YTHDC1: variants seen among roughly 807,000 people sequenced by gnomAD.
YTHDC1 encodes YTH domain-containing protein 1.
Under a neutral mutation model 107.0 loss-of-function variants are expected in YTHDC1, and 12 were observed. The observed-to-expected ratio is 0.11, with a 90% CI of 0.07 to 0.18. The LOEUF is 0.18. YTHDC1 is among the 10% of genes least tolerant of loss of function. The probability of loss-of-function intolerance (pLI) is 1.00; values close to 1 mark genes in which losing one functional copy is unlikely to be tolerated. For synonymous variants in YTHDC1, 280 were observed against 289.5 expected, an observed-to-expected ratio of 0.97 and a Z score of 0.33; for missense variants, 635 against 898.8, an observed-to-expected ratio of 0.71 and a Z score of 3.75.
intron 15 of YTHDC1, 57 bp downstream of exon 15, chr4:68,318,462 G>A: frequency 6.7e-7 from 1 of 1,483,918 alleles, no homozygotes; most frequent in Non-Finnish European, 9.2e-7. Context: ...GTAAGCACCT[G>A]AAATACTAGA....
chr4:68,325,944 T>G (rs1042246323), intron 9 of YTHDC1, among the ~76,000 whole-genome samples: 1 of 152,060 alleles, frequency 6.6e-6, no homozygotes, highest in East Asian at 1.9e-4. Flanking sequence ...TTTTCCCCCT[T>G]TTCAGGCTCT....
At chr4:68,332,973 C>A (rs1402116404) in intron 5 of YTHDC1, 126 bp from the exon 6 acceptor site, 12 of 768,120 alleles carry the variant, frequency 1.6e-5, no homozygotes, top group Admixed American at 8.8e-5. Context: ...CCCACACACA[C>A]AAAAAAAACT....
intron 1 of YTHDC1, among the ~76,000 whole-genome samples, chr4:68,345,512 CCA>C (rs1725310626): frequency 6.6e-6 from 1 of 152,052 alleles, no homozygotes; most frequent in Non-Finnish European, 1.5e-5. Flanking sequence ...TACATTTAGA[CCA>C]GTTTCTCAGT....
chr4:68,332,190 G>A lies in YTHDC1; in HGVS notation c.1035C>T (p.Thr345=). 6.3e-7 allele frequency: 1 copy of A among 1,595,356 alleles called. No homozygotes were observed. The highest frequency in any genetic ancestry group is 2.3e-5 in the East Asian group (1 of 44,244). ...CTTGAAGCACATATTTGAGTTTACT[G>A]GTTTGATCTGAAAAAAAAAGAAACC... ...SSVRAVRKDQ[T]SKLKYVLQDA... Residue 345 remains threonine (T), a synonymous_variant, in exon 7 of 17, where the codon ACC becomes ACT. Transcript: ENST00000344157.
At chr4:68,341,953 T>C (rs887258888) in intron 1 of YTHDC1, among the ~76,000 whole-genome samples, 1 of 152,256 alleles carries the variant, frequency 6.6e-6, no homozygotes, top group Middle Eastern at 3.4e-3. Flanking sequence ...TCTCCTTCCT[T>C]ATAACTATTG....
rs1725900128 is a variant in YTHDC1 at position 68,349,799 on chromosome 4, A to T, written c.-46T>A. 6.2e-7 allele frequency: 1 copy of T among 1,611,212 alleles called. No individual in the cohort carries two copies. Among genetic ancestry groups the T allele is most frequent in the Non-Finnish European group, 8.5e-7 (1 of 1,178,892 alleles). On this transcript the variant is annotated 5_prime_UTR_variant, in exon 1 of 17. Transcript: ENST00000344157. ...CGCTGCCACCGCCGCCGCCGCTTAG[A>T]CGCGACTCGCGCGGGCGCCGCAGCC...
At chr4:68,332,734 A>G (rs1723732306) in intron 6 of YTHDC1, 60 bp downstream of exon 6, 3 of 1,495,000 alleles carry the variant, frequency 2.0e-6, no homozygotes, top group African/African-American at 2.8e-5. Flanking sequence ...TGGAGAACCA[A>G]TAAGGAAAAA....
intron 7 of YTHDC1, 89 bp from the exon 8 acceptor site, chr4:68,330,399 G>A: frequency 2.4e-6 from 2 of 843,060 alleles, no homozygotes; most frequent in Non-Finnish European, 3.4e-6. Flanking sequence ...TACATATTTT[G>A]GTGTGCTTTC....
intron 1 of YTHDC1, among the ~76,000 whole-genome samples, chr4:68,346,982 G>GT (rs1725517709): frequency 6.6e-6 from 1 of 152,140 alleles, no homozygotes; most frequent in South Asian, 2.1e-4. Flanking sequence ...GAGAACTGTT[G>GT]TATAACTTAA....
chr4:68,316,084 G>A lies in YTHDC1; in HGVS notation c.1959+230C>T, dbSNP rs563633561. On this transcript the variant is annotated intron_variant, in intron 16 of 16. Coordinates refer to ENST00000344157, the MANE Select transcript of YTHDC1 (RefSeq NM_001031732.4). The stretch of plus-strand genomic sequence containing the variant: ...CCTAAAAGGAGTTCTATTTGTAGGC[G>A]TTTGCCTTAAGCAGTTTGTGATTTG... The A allele has an allele frequency of 1.3e-4, 47 of 370,916 alleles. No homozygotes were observed. The East Asian group carries it at 1.7e-3, about 14-fold the overall frequency. 23.0% of individuals were successfully genotyped at this position (370,916 alleles called of 1,614,324 possible). A position where few individuals can be genotyped will look rare whatever the true frequency, so the allele number is the denominator to read the frequency against.
At chr4:68,327,562 G>C (rs979575009) in intron 9 of YTHDC1, among the ~76,000 whole-genome samples, 4 of 152,144 alleles carry the variant, frequency 2.6e-5, no homozygotes, top group African/African-American at 4.8e-5. Flanking sequence ...TGCTACTGAT[G>C]TAAGTGATCC....
At chr4:68,344,479 AG>A (rs1725198944) in intron 1 of YTHDC1, among the ~76,000 whole-genome samples, 1 of 152,198 alleles carries the variant, frequency 6.6e-6, no homozygotes, top group Non-Finnish European at 1.5e-5. Context: ...GACAGTTGCA[AG>A]CACTGTGTTG....
chr4:68,328,751 C>T (rs185051516), intron 9 of YTHDC1, among the ~76,000 whole-genome samples: 24 of 152,292 alleles, frequency 1.6e-4, no homozygotes, highest in Non-Finnish European at 3.4e-4. Flanking sequence ...CAGGGATACA[C>T]TCATTAGGTG....
At position 68,322,970 on chromosome 4, in the gene YTHDC1, TG is replaced by T. The variant is rs573789982; in HGVS notation, c.1435-56del. ...CAAAAACAGACCCTTTCAACAGACT[TG>T]CATTTTCCTGATGTACCAGAACAAA... On this transcript the variant is annotated intron_variant, in intron 10 of 16. Transcript: ENST00000344157. The surrounding 1 kb of genome is among the most constrained non-coding windows in gnomAD (Gnocchi z 4.8). The T allele has an allele frequency of 9.0e-5, 140 of 1,558,392 alleles. No homozygotes were observed. In the African/African-American group the frequency reaches 1.7e-3, roughly 19 times the overall value.
rs944733382 is a variant in YTHDC1 at position 68,314,116 on chromosome 4, C to T, written c.2167G>A (p.Gly723Ser). ...CDRDRDRGER[G>S]RYRR is the part of the protein sequence containing the mutation. ...AAAGCCCATTATCTTCTATATCGAC[C>T]TCTCTCCCCTCGGTCTCTGTCTCGA... Residue 723 changes from glycine to serine, a missense_variant, in exon 17 of 17, where the codon GGT becomes AGT. Gly to Ser is a moderately conservative substitution (Grantham distance 56). Transcript: ENST00000344157. The T allele has an allele frequency of 6.2e-7, 1 of 1,614,006 alleles. No individual in the cohort carries two copies. Among genetic ancestry groups the T allele is most frequent in the Non-Finnish European group, 8.5e-7 (1 of 1,179,986 alleles).
intron 5 of YTHDC1, 109 bp from the exon 6 acceptor site, chr4:68,332,956 T>G (rs554268442): frequency 1.1e-6 from 1 of 926,220 alleles, no homozygotes; most frequent in East Asian, 2.5e-5. Context: ...TTATTCTTCC[T>G]GGCGCACCCA....
chr4:68,335,343 G>T (rs1191125171), intron 4 of YTHDC1, among the ~76,000 whole-genome samples: 1 of 152,058 alleles, frequency 6.6e-6, no homozygotes, highest in African/African-American at 2.4e-5. Flanking sequence ...TTCCACATAA[G>T]GGATTTTCCT....
intron 1 of YTHDC1, among the ~76,000 whole-genome samples, chr4:68,338,638 G>A (rs544735133): frequency 2.6e-5 from 4 of 152,280 alleles, no homozygotes; most frequent in African/African-American, 7.2e-5. Flanking sequence ...ATCACGTGAC[G>A]CCAGGAGTTT....
Position 68,338,265 on chromosome 4 carries a change from A to G in YTHDC1, c.130+18T>C, listed in dbSNP as rs754544404. ...TTTATACTGTTATTTCAACAAAAAT[A>G]ATAGAACTCTTACATACCCTTTTTC... On this transcript the variant is annotated intron_variant, in intron 2 of 16. Coordinates refer to ENST00000344157, the MANE Select transcript of YTHDC1 (RefSeq NM_001031732.4). The G allele has an allele frequency of 1.3e-6, 2 of 1,576,486 alleles. No individual in the cohort carries two copies. The highest frequency in any genetic ancestry group is 1.7e-6 in the Non-Finnish European group (2 of 1,156,894).
Sources: gnomAD v4.1 joint callset for allele counts (sites outside exome capture counted in the v4.1 genomes callset) on GRCh38, gnomAD v4.1.1 for gene constraint, Gnocchi (gnomAD v3.1) non-coding constraint, MANE v1.5 for transcripts, NCBI Gene and HGNC (gene_info 2026-07-23, HGNC 2026-07-21) for gene names.